RYR2: variants seen among roughly 807,000 people sequenced by gnomAD.
RYR2 encodes ryanodine receptor 2.
Under a neutral mutation model 601.1 loss-of-function variants are expected in RYR2, and 227 were observed. The ratio of observed to expected loss-of-function variants is 0.38; its 90% confidence interval spans 0.34 to 0.42. The LOEUF is 0.42. RYR2 is among the 10% of genes least tolerant of loss of function. The pLI, the probability that RYR2 is intolerant of heterozygous loss-of-function variation, is 1.00. For missense variants in RYR2, 4,646 were observed against 6,156.5 expected, an observed-to-expected ratio of 0.75 and a Z score of 8.21; for synonymous variants, 2,223 against 2,175.1, an observed-to-expected ratio of 1.02 and a Z score of -0.61.
chr1:237,624,527 C>T lies in RYR2; in HGVS notation c.6022+657C>T, dbSNP rs530405056. Among the ~76,000 whole-genome samples, 4 of 152,048 alleles carry T rather than the reference C, an allele frequency of 2.6e-5. 1 individual carries two copies. The South Asian group carries it at 8.3e-4, about 32-fold the overall frequency. Reference sequence around the variant, plus strand: ...AGTAACCTCAATGAAGCTGTTTTTTCCTCATGTAAGAAAGAAATTTGATCA... The same window carrying T: ...AGTAACCTCAATGAAGCTGTTTTTTTCTCATGTAAGAAAGAAATTTGATCA... On this transcript the variant is annotated intron_variant, in intron 39 of 104. Transcript: ENST00000366574.
intron 7 of RYR2, among the ~76,000 whole-genome samples, chr1:237,375,523 T>A (rs1169915998): frequency 6.6e-6 from 1 of 152,142 alleles, no homozygotes; most frequent in African/African-American, 2.4e-5. Flanking sequence ...GATCAAGCTA[T>A]CCTCTCACTC....
intron 25 of RYR2, among the ~76,000 whole-genome samples, chr1:237,543,113 G>A (rs965722347): frequency 2.0e-5 from 3 of 152,106 alleles, no homozygotes; most frequent in Non-Finnish European, 2.9e-5. Context: ...CTTTGTCTCT[G>A]CATTGAATAT....
intron 3 of RYR2, among the ~76,000 whole-genome samples, chr1:237,350,602 A>AAAAT (rs1558665984): frequency 3.0e-4 from 11 of 36,980 alleles, no homozygotes; most frequent in Non-Finnish European, 4.0e-4. Flanking sequence ...AAAAAAAAAA[A>AAAAT]ATATATATAT....
chr1:237,748,644 G>T (rs958937120), intron 80 of RYR2, among the ~76,000 whole-genome samples: 2 of 152,174 alleles, frequency 1.3e-5, no homozygotes, highest in Non-Finnish European at 2.9e-5. Context: ...TTGGGCTGGG[G>T]GGTCCTGGCC....
At chr1:237,654,969 C>A (rs1325468418) in intron 52 of RYR2, among the ~76,000 whole-genome samples, 1 of 152,036 alleles carries the variant, frequency 6.6e-6, no homozygotes, top group African/African-American at 2.4e-5. Context: ...AAAGGCAGAA[C>A]AACAAGTTTT....
chr1:237,718,635 T>C (rs550499002), intron 73 of RYR2, 114 bp downstream of exon 73: 7 of 475,308 alleles, frequency 1.5e-5, no homozygotes, highest in Non-Finnish European at 2.7e-5. Context: ...AGACATATTT[T>C]AATTAGTCAT....
At chr1:237,164,730 G>C (rs1481255902) in intron 1 of RYR2, among the ~76,000 whole-genome samples, 2 of 152,240 alleles carry the variant, frequency 1.3e-5, no homozygotes, top group African/African-American at 4.8e-5. Context: ...GATAGACATA[G>C]GGTTTCTTTA....
intron 1 of RYR2, among the ~76,000 whole-genome samples, chr1:237,221,102 A>AC (rs1558449232): frequency 1.3e-5 from 2 of 151,754 alleles, no homozygotes; most frequent in Non-Finnish European, 2.9e-5. Flanking sequence ...TCTCAAAAAA[A>AC]CCCCCCAAAA....
intron 1 of RYR2, among the ~76,000 whole-genome samples, chr1:237,072,311 C>A (rs1664460789): frequency 6.6e-6 from 1 of 152,216 alleles, no homozygotes; most frequent in Non-Finnish European, 1.5e-5. Context: ...CTGAACCCGG[C>A]CTGTGCAGCT....
chr1:237,820,260 C>T (rs1339997113), intron 101 of RYR2, among the ~76,000 whole-genome samples: 1 of 151,346 alleles, frequency 6.6e-6, no homozygotes, highest in African/African-American at 2.4e-5. Context: ...CAGCTCCAGT[C>T]TGCAGCTCCC....
intron 74 of RYR2, among the ~76,000 whole-genome samples, 161 bp from the exon 75 acceptor site, chr1:237,726,112 C>T (rs572231913): frequency 5.3e-5 from 8 of 151,956 alleles, no homozygotes; most frequent in Non-Finnish European, 8.8e-5. Context: ...AGTGCTTTTC[C>T]GTTAAACAAG....
chr1:237,475,185 C>T (rs986517185), intron 17 of RYR2, among the ~76,000 whole-genome samples: 1 of 152,208 alleles, frequency 6.6e-6, no homozygotes, highest in African/African-American at 2.4e-5. Flanking sequence ...TGAGCTAACA[C>T]AGAACCAGCT....
chr1:237,742,360 T>C lies in RYR2; in HGVS notation c.11145+11T>C. The C allele has an allele frequency of 1.9e-6, 3 of 1,550,862 alleles. No homozygotes were observed. The highest frequency in any genetic ancestry group is 2.6e-6 in the Non-Finnish European group (3 of 1,137,000). ...GTGAAGAGTTTTGAAGTAAGATGGA[T>C]CTTTCTGGATTTGCCTTTCTTTCTA... On this transcript the variant is annotated intron_variant, in intron 80 of 104. Coordinates refer to ENST00000366574, the MANE Select transcript of RYR2 (RefSeq NM_001035.3).
intron 80 of RYR2, among the ~76,000 whole-genome samples, chr1:237,751,318 A>G (rs942816763): frequency 4.6e-5 from 7 of 152,236 alleles, no homozygotes; most frequent in African/African-American, 1.7e-4. Context: ...TCAATATTGC[A>G]TTTAGAGATA....
At chr1:237,281,964 G>A (rs112502933) in intron 2 of RYR2, among the ~76,000 whole-genome samples, 29 of 148,332 alleles carry the variant, frequency 2.0e-4, no homozygotes, top group Non-Finnish European at 3.8e-4. Context: ...CGCTGCCACC[G>A]TTAGAACCCT....
intron 2 of RYR2, among the ~76,000 whole-genome samples, chr1:237,306,942 A>G (rs1693934563): frequency 6.6e-6 from 1 of 152,196 alleles, no homozygotes; most frequent in Non-Finnish European, 1.5e-5. Flanking sequence ...TATACAATTT[A>G]ATTAGTAGAA....
At chr1:237,758,026 G>A (rs1270743763) in intron 82 of RYR2, among the ~76,000 whole-genome samples, 1 of 152,040 alleles carries the variant, frequency 6.6e-6, no homozygotes, top group Non-Finnish European at 1.5e-5. Flanking sequence ...ATGAATTCTG[G>A]TGCTGAGGTA....
At chr1:237,263,863 G>T (rs866754362) in intron 1 of RYR2, among the ~76,000 whole-genome samples, 1 of 152,022 alleles carries the variant, frequency 6.6e-6, no homozygotes, top group Admixed American at 6.6e-5. Context: ...GCATTCTAGT[G>T]GGGGAGGCTC....
intron 14 of RYR2, among the ~76,000 whole-genome samples, chr1:237,453,428 C>T (rs901736272): frequency 1.3e-5 from 2 of 152,222 alleles, no homozygotes; most frequent in African/African-American, 4.8e-5. Flanking sequence ...AGCTAATTCT[C>T]ATTAATGAGT....
Sources: allele counts gnomAD v4.1 joint callset (sites outside exome capture counted in the v4.1 genomes callset), GRCh38; gene constraint gnomAD v4.1.1; transcripts MANE v1.5; gene names NCBI Gene and HGNC (gene_info 2026-07-23, HGNC 2026-07-21).